The following EDA variants were observed in gnomAD, a reference collection of about 807,000 sequenced individuals.
The protein encoded by EDA is ectodysplasin-A.
A neutral mutation model predicts 23.6 loss-of-function variants in EDA; 2 were observed. The observed-to-expected ratio is 0.08, with a 90% CI of 0.03 to 0.27. EDA has a LOEUF of 0.27. Ranked by LOEUF, EDA falls within the 10% of genes least tolerant of loss-of-function variation. The pLI, the probability that EDA is intolerant of heterozygous loss-of-function variation, is 1.00. For missense variants in EDA, 229 were observed against 324.2 expected (o/e 0.71, Z 2.26); for synonymous variants, 131 against 132.0 (o/e 0.99, Z 0.05).
intron 1 of EDA, among the ~76,000 whole-genome samples, chrX:69,953,822 A>C (rs1003648519): frequency 8.0e-5 from 9 of 111,942 alleles, no homozygotes; most frequent in African/African-American, 2.9e-4. Context: ...GATGATTGTA[A>C]TCTAGAACAG....
At chrX:69,932,171 C>G (rs910387724) in intron 1 of EDA, among the ~76,000 whole-genome samples, 1 of 111,634 alleles carries the variant, frequency 9.0e-6, no homozygotes. Context: ...CAGTCGTTAC[C>G]TGGAAATGCA....
chrX:69,878,112 T>G (rs2017676332), intron 1 of EDA, among the ~76,000 whole-genome samples: 1 of 112,349 alleles, frequency 8.9e-6, no homozygotes, highest in South Asian at 3.7e-4. Flanking sequence ...ACAGTTTTAT[T>G]AAACAAACCT....
At chrX:69,653,194 T>A (rs5936714) in intron 1 of EDA, among the ~76,000 whole-genome samples, 6,673 of 111,446 alleles carry the variant, frequency 0.06, 203 homozygotes, top group Middle Eastern at 0.098. Flanking sequence ...GTCCTTCACA[T>A]CCCTTGTAAG....
At chrX:69,797,826 C>T (rs1343138580) in intron 1 of EDA, among the ~76,000 whole-genome samples, 1 of 111,697 alleles carries the variant, frequency 9.0e-6, no homozygotes, top group Non-Finnish European at 1.9e-5. Flanking sequence ...TAATAATAAA[C>T]TTGAATGTAA....
At chrX:69,829,288 A>G (rs1181018666) in intron 1 of EDA, among the ~76,000 whole-genome samples, 5 of 111,835 alleles carry the variant, frequency 4.5e-5, no homozygotes, top group African/African-American at 1.6e-4. Flanking sequence ...TTTTTATGGT[A>G]AAGACATTCT....
At chrX:69,978,318 TAAAAAAAAAAAAAAAAAAAAA>T (rs144187734) in intron 2 of EDA, among the ~76,000 whole-genome samples, 1 of 20,420 alleles carries the variant, frequency 4.9e-5, no homozygotes, top group African/African-American at 1.3e-4. Flanking sequence ...ACTCCATCTC[TAAAAAAAAAAAAAAAAAAAAA>T]AAAAAAAAAA....
At chrX:69,616,954 G>A (rs1931987348) in intron 1 of EDA, 1 of 437,795 alleles carries the variant, frequency 2.3e-6, no homozygotes, top group East Asian at 3.8e-5. Flanking sequence ...CCCTGGCTGC[G>A]GGCTGCCTCG....
At chrX:69,952,003 G>T (rs755545702) in intron 1 of EDA, among the ~76,000 whole-genome samples, 1 of 111,935 alleles carries the variant, frequency 8.9e-6, no homozygotes, top group East Asian at 2.8e-4. Flanking sequence ...GCCTCTGGAG[G>T]CTATGCTAAT....
chrX:69,629,916 G>A (rs911725195), intron 1 of EDA, among the ~76,000 whole-genome samples: 3 of 111,325 alleles, frequency 2.7e-5, no homozygotes, highest in Non-Finnish European at 3.8e-5. Flanking sequence ...GCCAGGTCAC[G>A]AGAGGCTCCA....
rs184653264 is a variant in EDA at position 69,718,365 on chromosome X, G to T, written c.396+101661G>T. On this transcript the variant is annotated intron_variant, in intron 1 of 7. Transcript: ENST00000374552. ...TTTAGTATTGAGAACAACTATTCTT[G>T]CCTTGTTCCTATCTTAAGGAAAAAA... Among the ~76,000 whole-genome samples, 3 of 109,893 alleles carry T rather than the reference G, an allele frequency of 2.7e-5. No individual in the cohort carries two copies. In the Admixed American group the frequency reaches 2.9e-4, roughly 11 times the overall value.
chrX:69,782,927 A>G (rs1383256914), intron 1 of EDA, among the ~76,000 whole-genome samples: 1 of 112,078 alleles, frequency 8.9e-6, no homozygotes, highest in Non-Finnish European at 1.9e-5. Context: ...CAGGATTACT[A>G]CTTGTATAGA....
At chrX:69,654,746 A>G (rs1318363349) in intron 1 of EDA, among the ~76,000 whole-genome samples, 4 of 96,408 alleles carry the variant, frequency 4.1e-5, no homozygotes, top group Non-Finnish European at 8.2e-5. Flanking sequence ...GAATTGAACA[A>G]TGAGAACACA....
chrX:69,894,712 G>A, intron 1 of EDA, among the ~76,000 whole-genome samples: 1 of 111,506 alleles, frequency 9.0e-6, no homozygotes, highest in Admixed American at 9.6e-5. Context: ...CAGCTTGGAT[G>A]CTGTTGATAT....
chrX:69,667,601 T>C (rs1459893895), intron 1 of EDA, among the ~76,000 whole-genome samples: 1 of 112,056 alleles, frequency 8.9e-6, no homozygotes, highest in African/African-American at 3.2e-5. Context: ...TCTGTTCTGA[T>C]TTTTATGATT....
chrX:69,666,978 G>T (rs1933702136), intron 1 of EDA, among the ~76,000 whole-genome samples: 1 of 111,096 alleles, frequency 9.0e-6, no homozygotes, highest in South Asian at 3.8e-4. Flanking sequence ...TTTGTTATTA[G>T]TCTGTTCAAG....
chrX:69,923,334 C>T lies in EDA; in HGVS notation c.397-33693C>T, dbSNP rs762570898. 6.7e-4 allele frequency among the ~76,000 whole-genome samples: 74 copies of T among 110,560 alleles called. 1 individual carries two copies. Among genetic ancestry groups the T allele is most frequent in the Admixed American group, 1.9e-4 (2 of 10,368 alleles). On this transcript the variant is annotated intron_variant, in intron 1 of 7. Transcript: ENST00000374552. ...GCCCTGGTGTGTGTTGTTCACCTCC[C>T]TGTGTCCATGTGTTCTTATTGTTCA...
chrX:70,004,927 C>CA (rs916214651), intron 2 of EDA, among the ~76,000 whole-genome samples: 8 of 111,375 alleles, frequency 7.2e-5, no homozygotes, highest in Admixed American at 4.8e-4. Flanking sequence ...CCTATTGCTA[C>CA]AAAAAATAGT....
At chrX:69,996,537 A>G (rs1384664870) in intron 2 of EDA, among the ~76,000 whole-genome samples, 1 of 112,514 alleles carries the variant, frequency 8.9e-6, no homozygotes, top group Non-Finnish European at 1.9e-5. Flanking sequence ...AGTTACAGCT[A>G]TGCATTAAAA....
intron 1 of EDA, among the ~76,000 whole-genome samples, chrX:69,655,817 T>C (rs1009366351): frequency 5.2e-4 from 49 of 93,583 alleles, no homozygotes; most frequent in African/African-American, 2.0e-3. Flanking sequence ...TATGCTGCAA[T>C]AGGTAAGGAG....
Sources: allele counts gnomAD v4.1 joint callset (sites outside exome capture counted in the v4.1 genomes callset), GRCh38; gene constraint gnomAD v4.1.1; transcripts MANE v1.5; gene names NCBI Gene and HGNC (gene_info 2026-07-23, HGNC 2026-07-21).